The following RERE variants were observed in gnomAD, a reference collection of about 807,000 sequenced individuals.
The protein encoded by RERE is arginine-glutamic acid dipeptide repeats protein.
Under a neutral mutation model 146.1 loss-of-function variants are expected in RERE, and 40 were observed. The observed-to-expected ratio is 0.27, with a 90% CI of 0.21 to 0.36. RERE has a LOEUF of 0.36. Among genes scored for constraint, RERE ranks in the 10% least tolerant of loss-of-function variants. RERE has a pLI of 1.00. For synonymous variants in RERE, 1,003 were observed against 866.0 expected (o/e 1.16, Z -2.78); for missense variants, 1,933 against 2,138.7 (o/e 0.90, Z 1.90).
intron 4 of RERE, among the ~76,000 whole-genome samples, chr1:8,591,173 G>A (rs1042767822): frequency 2.0e-5 from 3 of 152,126 alleles, no homozygotes; most frequent in South Asian, 2.1e-4. Context: ...CAGCCTCCAC[G>A]GGGCAACAAG....
chr1:8,778,935 T>C (rs1333729677), intron 1 of RERE, among the ~76,000 whole-genome samples: 2 of 152,054 alleles, frequency 1.3e-5, no homozygotes, highest in Non-Finnish European at 2.9e-5. Context: ...GCAACCTCCA[T>C]CTCTTGGGTT....
chr1:8,401,032 A>C (rs1205890348), intron 12 of RERE, among the ~76,000 whole-genome samples: 25 of 35,432 alleles, frequency 7.1e-4, no homozygotes, highest in African/African-American at 1.5e-3. Flanking sequence ...AAAAAAAAAA[A>C]AAAACCATAT....
intron 1 of RERE, among the ~76,000 whole-genome samples, chr1:8,758,406 T>C (rs1253907282): frequency 1.4e-5 from 2 of 138,136 alleles, no homozygotes; most frequent in Non-Finnish European, 3.2e-5. Context: ...TTTTTTTTTT[T>C]AAAGAAACGG....
At chr1:8,590,576 A>G (rs2124097951) in intron 4 of RERE, among the ~76,000 whole-genome samples, 1 of 152,324 alleles carries the variant, frequency 6.6e-6, no homozygotes, top group East Asian at 1.9e-4. Context: ...GTTCCCTCAA[A>G]GGCCAAGTTA....
intron 1 of RERE, among the ~76,000 whole-genome samples, chr1:8,802,888 C>T (rs544965178): frequency 1.3e-5 from 2 of 152,200 alleles, no homozygotes; most frequent in East Asian, 3.9e-4. Context: ...GCAACAAACG[C>T]TATGTAAGAA....
chr1:8,400,222 A>ATGTGTGTG (rs1553161719), intron 12 of RERE, among the ~76,000 whole-genome samples: 7 of 140,156 alleles, frequency 5.0e-5, no homozygotes, highest in Non-Finnish European at 7.7e-5. Context: ...CCTGTGTCAT[A>ATGTGTGTG]TGTGTGTGTG....
rs199650106 is a variant in RERE at position 8,495,171 on chromosome 1, G to A, written c.1005-9C>T. The A allele has an allele frequency of 2.5e-6, 4 of 1,607,246 alleles. No individual in the cohort carries two copies. Among genetic ancestry groups the A allele is most frequent in the Non-Finnish European group, 2.6e-6 (3 of 1,174,056 alleles). ...CAAATGCCGCCATGCTCCTTCAGAA[G>A]AAAAGGTTTTTCCTTTATTAGTACA... On this transcript the variant is annotated splice_polypyrimidine_tract_variant and intron_variant, in intron 9 of 22. Coordinates refer to ENST00000400908, the MANE Select transcript of RERE (RefSeq NM_001042681.2).
intron 8 of RERE, among the ~76,000 whole-genome samples, chr1:8,505,396 G>A (rs1379762443): frequency 1.3e-5 from 2 of 152,138 alleles, no homozygotes; most frequent in Non-Finnish European, 2.9e-5. Flanking sequence ...TTAAAATAAC[G>A]GCAGGAAGAG....
intron 4 of RERE, among the ~76,000 whole-genome samples, chr1:8,572,365 G>A (rs537876694): frequency 2.0e-5 from 3 of 152,244 alleles, no homozygotes; most frequent in African/African-American, 7.2e-5. Context: ...AGCACACAGA[G>A]AAGTTAATAT....
chr1:8,724,240 T>C (rs1289864411), intron 1 of RERE, among the ~76,000 whole-genome samples: 3 of 152,120 alleles, frequency 2.0e-5, no homozygotes, highest in Non-Finnish European at 4.4e-5. Context: ...ACCACTTCTA[T>C]ATGTATCCTT....
intron 8 of RERE, among the ~76,000 whole-genome samples, chr1:8,499,581 T>C (rs1043098490): frequency 3.3e-5 from 5 of 152,200 alleles, no homozygotes; most frequent in Admixed American, 6.5e-5. Flanking sequence ...GTTTTAAATG[T>C]TGGTATTCAA....
intron 12 of RERE, among the ~76,000 whole-genome samples, chr1:8,393,314 CAAGT>C (rs924605250): frequency 6.6e-6 from 1 of 152,136 alleles, no homozygotes; most frequent in African/African-American, 2.4e-5. Flanking sequence ...TAATAAATGC[CAAGT>C]AAGATGCAGT....
rs553376236 is a variant in RERE at position 8,775,749 on chromosome 1, T to C, written c.-145+41411A>G. The stretch of plus-strand genomic sequence containing the variant: ...AAATAAAATACACATGGTGTGTGTT[T>C]GATAAACAATGGAATATTTTACCTC... On this transcript the variant is annotated intron_variant, in intron 1 of 22. Transcript: ENST00000400908. Among the ~76,000 whole-genome samples the C allele has an allele frequency of 5.3e-5, 8 of 152,370 alleles. No individual in the cohort carries two copies. The South Asian group carries it at 1.0e-3, about 20-fold the overall frequency.
At chr1:8,674,450 C>T (rs1487060179) in intron 1 of RERE, among the ~76,000 whole-genome samples, 2 of 152,180 alleles carry the variant, frequency 1.3e-5, no homozygotes, top group Non-Finnish European at 2.9e-5. Context: ...CAAACAATAA[C>T]TGTGATAACA....
intron 4 of RERE, among the ~76,000 whole-genome samples, chr1:8,575,510 T>C (rs1055874237): frequency 1.4e-5 from 2 of 146,746 alleles, no homozygotes; most frequent in Non-Finnish European, 3.0e-5. Context: ...ACTACAGGCC[T>C]GTGCCACCAC....
chr1:8,702,877 A>G (rs1639483025), intron 1 of RERE, among the ~76,000 whole-genome samples: 1 of 152,142 alleles, frequency 6.6e-6, no homozygotes, highest in Non-Finnish European at 1.5e-5. Flanking sequence ...GGACACGGCA[A>G]ATACTGACTC....
At chr1:8,787,702 G>A (rs1397917299) in intron 1 of RERE, among the ~76,000 whole-genome samples, 2 of 151,540 alleles carry the variant, frequency 1.3e-5, no homozygotes, top group Non-Finnish European at 2.9e-5. Flanking sequence ...GTCGTGGTGG[G>A]TGCCTGTAAT....
intron 1 of RERE, among the ~76,000 whole-genome samples, chr1:8,754,259 T>G (rs1640593271): frequency 6.6e-6 from 1 of 151,902 alleles, no homozygotes; most frequent in Admixed American, 6.6e-5. Context: ...CAGTACTGAC[T>G]GAATATTTTA....
rs927361980 is a variant in RERE at position 8,358,443 on chromosome 1, A to C, written c.4092T>G (p.Phe1364Leu). The C allele has an allele frequency of 1.9e-6, 3 of 1,591,788 alleles. No individual in the cohort carries two copies. The East Asian group carries it at 6.8e-5, about 36-fold the overall frequency. ...GGTTCAGGCCCGGGTGGAAAGAAGC[A>C]AAAGGGTGGGGCCCGGCGGTCGGGG... ...TIPPTAGPHP[F>L]ASFHPGLNPL... The change falls in exon 20 of 23, where the codon TTT becomes TTG. Residue 1364 changes from phenylalanine to leucine, a missense_variant. Physicochemically the swap from Phe to Leu is conservative, Grantham distance 22. This residue lies in a region of RERE where 1,255 missense variants were observed against 1,153.8 expected (regional missense o/e 1.09). Transcript: ENST00000400908.
Sources: allele counts gnomAD v4.1 joint callset (sites outside exome capture counted in the v4.1 genomes callset), GRCh38; gene constraint gnomAD v4.1.1; regional missense constraint gnomAD v4.1.1; transcripts MANE v1.5; gene names NCBI Gene and HGNC (gene_info 2026-07-23, HGNC 2026-07-21).